Variants in GDAP1 observed in about 807,000 individuals in gnomAD.
GDAP1 encodes the protein ganglioside-induced differentiation-associated protein 1.
GDAP1 carries 34 observed loss-of-function variants against 40.1 expected under a neutral mutation model. The observed-to-expected ratio is 0.85, with a 90% confidence interval of 0.64 to 1.13. The LOEUF is 1.13. Among genes scored for constraint, GDAP1 ranks in the 50% most tolerant of loss-of-function variants. GDAP1 has a pLI of 0.00. For synonymous variants in GDAP1, 170 were observed against 157.4 expected (o/e 1.08, Z -0.60); for missense variants, 374 against 433.7 (o/e 0.86, Z 1.22).
At chr8:74,363,140 A>G (rs1809457686) in intron 5 of GDAP1, 87 bp downstream of exon 5, 4 of 744,760 alleles carry the variant, frequency 5.4e-6, no homozygotes, top group African/African-American at 1.7e-5. Flanking sequence ...AACGTTCTGT[A>G]ATCTGCTTTT....
At chr8:74,378,242 C>G (rs1190448496) in intron 2 of GDAP1, among the ~76,000 whole-genome samples, 1 of 152,184 alleles carries the variant, frequency 6.6e-6, no homozygotes, top group East Asian at 1.9e-4. Context: ...GACTCAAAGA[C>G]ACTCTCCTAG....
chr8:74,473,441 A>G (rs1806586484), intron 2 of GDAP1, among the ~76,000 whole-genome samples: 1 of 152,210 alleles, frequency 6.6e-6, no homozygotes, highest in Non-Finnish European at 1.5e-5. Context: ...TTTGCATTTA[A>G]GCCTTTAACC....
rs1472743774 is a variant in GDAP1, at chr8:74,381,646, C to T, written c.165+30325C>T. 2.0e-5 allele frequency among the ~76,000 whole-genome samples: 3 copies of T among 151,808 alleles called. No homozygotes were observed. The East Asian group carries it at 5.8e-4, about 29-fold the overall frequency. ...TGGCAGGTGCCTGTAATCCCAGCTA[C>T]TCGGGAGGCTGAGGCAGGAGAATCG... is the stretch of plus-strand genomic sequence containing the variant. On this transcript the variant is annotated intron_variant, in intron 2 of 2. Coordinates refer to the GDAP1 transcript ENST00000523640.
chr8:74,396,050 A>G (rs1810193080), intron 2 of GDAP1, among the ~76,000 whole-genome samples: 1 of 152,136 alleles, frequency 6.6e-6, no homozygotes, highest in Non-Finnish European at 1.5e-5. Flanking sequence ...TTTCCCATAT[A>G]TATGTACACA....
intron 2 of GDAP1, among the ~76,000 whole-genome samples, chr8:74,401,977 C>T (rs1179730164): frequency 6.7e-6 from 1 of 150,190 alleles, no homozygotes. Context: ...GGGTGCCTCC[C>T]AGTTAGGCTG....
At chr8:74,466,759 G>A (rs941337735) in intron 2 of GDAP1, among the ~76,000 whole-genome samples, 1 of 152,204 alleles carries the variant, frequency 6.6e-6, no homozygotes, top group Non-Finnish European at 1.5e-5. Flanking sequence ...TGGTGTGCAG[G>A]TGAGAGTTCT....
chr8:74,426,794 T>C (rs1182329317), intron 2 of GDAP1, among the ~76,000 whole-genome samples: 1 of 152,230 alleles, frequency 6.6e-6, no homozygotes, highest in Non-Finnish European at 1.5e-5. Flanking sequence ...TTTGTTTTTA[T>C]TGTTAACTTT....
chr8:74,419,929 A>G (rs1260515176), intron 2 of GDAP1, among the ~76,000 whole-genome samples: 1 of 152,108 alleles, frequency 6.6e-6, no homozygotes, highest in Non-Finnish European at 1.5e-5. Context: ...CCCCATTGAA[A>G]TGGTTTTGGG....
chr8:74,399,078 A>G (rs1195871324), intron 2 of GDAP1, among the ~76,000 whole-genome samples: 2 of 152,026 alleles, frequency 1.3e-5, no homozygotes, highest in African/African-American at 4.8e-5. Flanking sequence ...TGAGTTAGGG[A>G]GGATTTCCTC....
At chr8:74,423,480 G>T (rs1256017624) in intron 2 of GDAP1, among the ~76,000 whole-genome samples, 1 of 149,852 alleles carries the variant, frequency 6.7e-6, no homozygotes, top group Non-Finnish European at 1.5e-5. Context: ...CAGATTGGGT[G>T]TTCAAAAAAT....
At chr8:74,421,099 A>G (rs1805852193) in intron 2 of GDAP1, among the ~76,000 whole-genome samples, 2 of 152,264 alleles carry the variant, frequency 1.3e-5, no homozygotes, top group South Asian at 4.1e-4. Context: ...TGTGGACTTA[A>G]AAGGATTGCT....
chr8:74,449,454 A>T (rs1439251085), intron 2 of GDAP1, among the ~76,000 whole-genome samples: 1 of 151,944 alleles, frequency 6.6e-6, no homozygotes, highest in African/African-American at 2.4e-5. Context: ...CTTCAAATTC[A>T]TGAACATGGT....
At chr8:74,390,680 G>T (rs780090772) in intron 2 of GDAP1, among the ~76,000 whole-genome samples, 9 of 152,212 alleles carry the variant, frequency 5.9e-5, no homozygotes, top group Admixed American at 2.0e-4. Flanking sequence ...GCTTAAGGAG[G>T]CAGTCTGTCT....
At chr8:74,382,753 A>AT (rs938195960) in intron 2 of GDAP1, among the ~76,000 whole-genome samples, 1 of 151,708 alleles carries the variant, frequency 6.6e-6, no homozygotes, top group African/African-American at 2.4e-5. Context: ...GATTGTAACA[A>AT]TTTTTTTTCT....
At chr8:74,487,706 G>T (rs1004450475) in intron 2 of GDAP1, among the ~76,000 whole-genome samples, 1 of 152,064 alleles carries the variant, frequency 6.6e-6, no homozygotes, top group African/African-American at 2.4e-5. Flanking sequence ...AAGGTAGAGA[G>T]GTACAGTAGG....
chr8:74,372,953 A>G (rs1167851293), intron 2 of GDAP1, among the ~76,000 whole-genome samples: 4 of 152,208 alleles, frequency 2.6e-5, no homozygotes, highest in Non-Finnish European at 5.9e-5. Context: ...ATAAGATGTA[A>G]GGAAGGGATC....
chr8:74,394,146 C>A (rs1270043551), intron 2 of GDAP1, among the ~76,000 whole-genome samples: 2 of 152,176 alleles, frequency 1.3e-5, no homozygotes, highest in Non-Finnish European at 2.9e-5. Flanking sequence ...GAGCAAGTCA[C>A]GTCCTACGTG....
At chr8:74,370,790 A>G (rs1450428772), downstream of GDAP1, among the ~76,000 whole-genome samples, 1 of 152,250 alleles carries the variant, frequency 6.6e-6, no homozygotes, top group Non-Finnish European at 1.5e-5. Flanking sequence ...AAGTATGGAA[A>G]GCGATATACC....
chr8:74,387,622 G>A lies in GDAP1; in HGVS notation c.165+36301G>A, dbSNP rs150456817. On this transcript the variant is annotated intron_variant, in intron 2 of 2. Transcript: ENST00000523640. ...GGATTTTTGTATCAATGTTCATCAG[G>A]GATATTAGCCCGAAATTTTCTTTTT... Among the ~76,000 whole-genome samples, 852 of 152,240 alleles carry A rather than the reference G, an allele frequency of 5.6e-3. 9 individuals carry two copies. The highest frequency in any genetic ancestry group is 0.019 in the African/African-American group (791 of 41,536).
Sources: allele counts gnomAD v4.1 joint callset (sites outside exome capture counted in the v4.1 genomes callset), GRCh38; gene constraint gnomAD v4.1.1; transcripts MANE v1.5; gene names NCBI Gene and HGNC (gene_info 2026-07-23, HGNC 2026-07-21).